CTNNA3: variants seen among roughly 807,000 people sequenced by gnomAD.
CTNNA3 encodes the protein catenin alpha 3.
A neutral mutation model predicts 95.7 loss-of-function variants in CTNNA3; 76 were observed. The ratio of observed to expected loss-of-function variants is 0.79; its 90% CI spans 0.66 to 0.96. The LOEUF (loss-of-function observed/expected upper bound fraction) is 0.96. CTNNA3 is among the 40% of genes least tolerant of loss of function. CTNNA3 has a pLI of 0.00. For synonymous variants in CTNNA3, 431 were observed against 374.4 expected (o/e 1.15, Z -1.74); for missense variants, 1,191 against 1,089.8 (o/e 1.09, Z -1.31).
chr10:66,642,347 C>T (rs1845550247), intron 9 of CTNNA3, among the ~76,000 whole-genome samples: 1 of 150,376 alleles, frequency 6.6e-6, no homozygotes. Flanking sequence ...ACCCAGAAAA[C>T]ATGACTAGGT....
intron 1 of CTNNA3, among the ~76,000 whole-genome samples, chr10:67,759,533 T>C (rs772707240): frequency 4.6e-5 from 7 of 152,204 alleles, no homozygotes; most frequent in Non-Finnish European, 1.0e-4. Context: ...TGGGGTCTGA[T>C]TGGCCTAGCT....
intron 5 of CTNNA3, among the ~76,000 whole-genome samples, chr10:67,483,776 T>TAAAAAAAAAAAAAAAAAAAAAAAAAATA (rs71468814): frequency 1.8e-5 from 2 of 110,844 alleles, no homozygotes; most frequent in African/African-American, 6.7e-5. Context: ...AAATAAAAAT[T>TAAAAAAAAAAAAAAAAAAAAAAAAAATA]AAAAAAAAAA....
At chr10:66,488,022 T>C (rs1212066279) in intron 11 of CTNNA3, among the ~76,000 whole-genome samples, 1 of 152,142 alleles carries the variant, frequency 6.6e-6, no homozygotes, top group African/African-American at 2.4e-5. Flanking sequence ...AGTCAGTCTG[T>C]GCTCATCCTC....
At chr10:66,386,054 T>G (rs1234598393) in intron 11 of CTNNA3, among the ~76,000 whole-genome samples, 1 of 152,102 alleles carries the variant, frequency 6.6e-6, no homozygotes, top group East Asian at 1.9e-4. Context: ...ACGCCCTCAC[T>G]CACCACTCCT....
chr10:66,134,802 C>T (rs1376303973), intron 13 of CTNNA3, among the ~76,000 whole-genome samples: 2 of 149,396 alleles, frequency 1.3e-5, no homozygotes, highest in East Asian at 3.9e-4. Flanking sequence ...GACAGCAAAC[C>T]ATAAATTAAA....
intron 15 of CTNNA3, among the ~76,000 whole-genome samples, chr10:66,050,358 A>G (rs1416454415): frequency 6.6e-6 from 1 of 151,708 alleles, no homozygotes; most frequent in Admixed American, 6.6e-5. Flanking sequence ...AATAGCACCA[A>G]TATTTTTCTC....
At chr10:66,595,838 C>T (rs1000988540) in intron 10 of CTNNA3, among the ~76,000 whole-genome samples, 6 of 151,544 alleles carry the variant, frequency 4.0e-5, no homozygotes, top group South Asian at 2.1e-4. Flanking sequence ...TTTGTAGAGA[C>T]GGGTTTCACT....
intron 5 of CTNNA3, among the ~76,000 whole-genome samples, chr10:67,354,947 G>T (rs1842760845): frequency 1.3e-5 from 2 of 151,852 alleles, no homozygotes; most frequent in Admixed American, 6.6e-5. Context: ...CTATGTGTAG[G>T]TGATAATGCA....
intron 7 of CTNNA3, among the ~76,000 whole-genome samples, chr10:67,069,218 T>C (rs560347458): frequency 1.8e-4 from 28 of 152,096 alleles, no homozygotes; most frequent in Middle Eastern, 6.8e-3. Context: ...AATATGCAGA[T>C]GAATGATCAA....
At chr10:66,326,945 A>G (rs1199610098) in intron 12 of CTNNA3, among the ~76,000 whole-genome samples, 1 of 152,162 alleles carries the variant, frequency 6.6e-6, no homozygotes, top group African/African-American at 2.4e-5. Context: ...TAATTCTGTC[A>G]TAATTACTTA....
chr10:67,682,333 A>G (rs202032775), intron 1 of CTNNA3, among the ~76,000 whole-genome samples: 1 of 143,128 alleles, frequency 7.0e-6, no homozygotes, highest in African/African-American at 2.4e-5. Context: ...TCTCAAAAAA[A>G]AAAAAAGACT....
intron 13 of CTNNA3, among the ~76,000 whole-genome samples, chr10:66,261,393 T>G (rs1294600213): frequency 6.6e-6 from 1 of 152,130 alleles, no homozygotes; most frequent in African/African-American, 2.4e-5. Context: ...ATATTCCTAT[T>G]CTTAGCCAAT....
intron 11 of CTNNA3, among the ~76,000 whole-genome samples, chr10:66,398,837 C>G (rs2092999176): frequency 6.6e-6 from 1 of 152,024 alleles, no homozygotes; most frequent in South Asian, 2.1e-4. Flanking sequence ...GTCAGACCAT[C>G]TAATCAAACC....
chr10:66,137,856 C>CG (rs1425308335), intron 13 of CTNNA3, among the ~76,000 whole-genome samples: 3 of 151,822 alleles, frequency 2.0e-5, no homozygotes, highest in African/African-American at 7.3e-5. Flanking sequence ...AGGCTAATGT[C>CG]GGGGGATGGC....
chr10:67,453,315 G>A (rs1213402491), intron 5 of CTNNA3, among the ~76,000 whole-genome samples: 3 of 152,130 alleles, frequency 2.0e-5, no homozygotes, highest in Non-Finnish European at 4.4e-5. Flanking sequence ...AGAGAAACAT[G>A]GGTTATATAA....
At chr10:66,443,860 A>G (rs112741274) in intron 11 of CTNNA3, among the ~76,000 whole-genome samples, 58,070 of 151,952 alleles carry the variant, frequency 0.38, 11,670 homozygotes, top group African/African-American at 0.5. Context: ...AAGGCTTCAG[A>G]CGATCAAACT....
intron 11 of CTNNA3, among the ~76,000 whole-genome samples, chr10:66,440,595 C>A (rs990812716): frequency 2.0e-4 from 31 of 152,142 alleles, no homozygotes; most frequent in African/African-American, 7.0e-4. Context: ...TAACTATACA[C>A]TACCCATCTG....
intron 7 of CTNNA3, among the ~76,000 whole-genome samples, chr10:66,994,919 T>C (rs532876059): frequency 1.2e-3 from 186 of 152,276 alleles, no homozygotes; most frequent in African/African-American, 4.2e-3. Context: ...GTGGAAAACA[T>C]GGGCTCAGCT....
chr10:67,209,736 C>A (rs1864061924), intron 6 of CTNNA3, among the ~76,000 whole-genome samples: 1 of 150,070 alleles, frequency 6.7e-6, no homozygotes, highest in Admixed American at 6.6e-5. Flanking sequence ...CACCAAAAAC[C>A]AATTTTAACA....
Sources: gnomAD v4.1 joint callset for allele counts (sites outside exome capture counted in the v4.1 genomes callset) on GRCh38, gnomAD v4.1.1 for gene constraint, MANE v1.5 for transcripts, NCBI Gene and HGNC (gene_info 2026-07-23, HGNC 2026-07-21) for gene names.